SEH1L: variants seen among roughly 807,000 people sequenced by gnomAD.
SEH1L encodes SEH1 like nucleoporin.
SEH1L carries 18 observed loss-of-function variants against 49.5 expected under a neutral mutation model. The observed-to-expected ratio is 0.36, with a 90% CI of 0.25 to 0.54. The LOEUF is 0.54. Among genes scored for constraint, SEH1L ranks in the 20% least tolerant of loss-of-function variants. The probability of loss-of-function intolerance (pLI) is 0.87; values close to 1 mark genes in which losing one functional copy is unlikely to be tolerated. For missense variants in SEH1L, 404 were observed against 528.8 expected (o/e 0.76, Z 2.31); for synonymous variants, 169 against 178.1 (o/e 0.95, Z 0.41).
At chr18:12,978,641 G>A in intron 5 of SEH1L, 111 bp from the exon 6 acceptor site, 1 of 829,936 alleles carries the variant, frequency 1.2e-6, no homozygotes, top group Admixed American at 2.3e-5. Context: ...CCACTACAGA[G>A]GTGAGCACTA....
At chr18:12,980,655 C>T (rs2032188577) in intron 6 of SEH1L, among the ~76,000 whole-genome samples, 1 of 133,486 alleles carries the variant, frequency 7.5e-6, no homozygotes, top group African/African-American at 2.8e-5. Context: ...GCAGAGGCGC[C>T]CCTCACCTCC....
chr18:12,981,348 C>G (rs2032248908), intron 6 of SEH1L, among the ~76,000 whole-genome samples: 1 of 152,156 alleles, frequency 6.6e-6, no homozygotes, highest in Non-Finnish European at 1.5e-5. Flanking sequence ...GGGGCCAAGG[C>G]AGGCAGCTGG....
chr18:12,980,332 C>A (rs1598977564), intron 6 of SEH1L, among the ~76,000 whole-genome samples: 1 of 124,944 alleles, frequency 8.0e-6, no homozygotes, highest in Non-Finnish European at 1.7e-5. Flanking sequence ...GCAGAGGCGC[C>A]CCTCACCTCC....
intron 5 of SEH1L, chr18:12,972,605 T>A (rs1417956364): frequency 1.3e-5 from 2 of 152,182 alleles, no homozygotes; most frequent in African/African-American, 4.8e-5. Flanking sequence ...GGAACTAGTG[T>A]TACTCCCGTG....
intron 3 of SEH1L, among the ~76,000 whole-genome samples, chr18:12,956,454 CAAAA>C (rs10541594): frequency 5.8e-5 from 8 of 138,418 alleles, no homozygotes; most frequent in Non-Finnish European, 7.8e-5. Context: ...TCTGGGGAAT[CAAAA>C]AAAAAAAAAG....
At chr18:12,986,823 GT>G in intron 8 of SEH1L, 38 bp from the exon 9 acceptor site, 1 of 1,158,978 alleles carries the variant, frequency 8.6e-7, no homozygotes. Flanking sequence ...TCCTGTTTTT[GT>G]TTTGTTTGGT....
rs1017148043 is a variant in SEH1L, at chr18:12,987,291, C to T, written c.*234C>T. 9.0e-6 allele frequency: 3 copies of T among 333,056 alleles called. No individual in the cohort carries two copies. Among genetic ancestry groups the T allele is most frequent in the African/African-American group, 2.1e-5 (1 of 46,968 alleles). 20.6% of individuals were successfully genotyped at this position (333,056 alleles called of 1,614,324 possible). A position where few individuals can be genotyped will look rare whatever the true frequency, so the allele number is the denominator to read the frequency against. On this transcript the variant is annotated 3_prime_UTR_variant, in exon 9 of 9. Coordinates refer to ENST00000399892, the MANE Select transcript of SEH1L (RefSeq NM_001013437.2). ...GATGAAATGAGATATGTCCAAGTAACGTTAACTGTGAAGTTACACACAGTA... is the reference window on the plus strand; with the variant it reads ...GATGAAATGAGATATGTCCAAGTAATGTTAACTGTGAAGTTACACACAGTA...
chr18:12,957,515 A>G (rs1447767113), intron 3 of SEH1L, among the ~76,000 whole-genome samples: 1 of 152,274 alleles, frequency 6.6e-6, no homozygotes. Flanking sequence ...GGGCAAGAAC[A>G]TAATATAATC....
chr18:12,952,053 CA>C (rs781282289), intron 2 of SEH1L, 148 bp downstream of exon 2: 12 of 466,818 alleles, frequency 2.6e-5, no homozygotes, highest in Non-Finnish European at 4.5e-5. Context: ...ATTAAAGTAA[CA>C]ACTGTGTTTC....
rs568034579 is a variant in SEH1L, at chr18:12,980,897, C to T, written c.762-1621C>T. Among the ~76,000 whole-genome samples, 1,344 of 144,674 alleles carry T rather than the reference C, an allele frequency of 9.3e-3. 16 individuals carry two copies. The highest frequency in any genetic ancestry group is 0.033 in the African/African-American group (1,255 of 38,422). The allele number at this position is 144,674 out of a possible 152,430, so 94.9% of individuals were successfully genotyped here. Reference sequence around the variant, plus strand: ...TGACCCCCCCCACCTCCCTTCCGGACGGGGCGGCTGGCCGGGCGGGGGGCT... The same window carrying T: ...TGACCCCCCCCACCTCCCTTCCGGATGGGGCGGCTGGCCGGGCGGGGGGCT... On this transcript the variant is annotated intron_variant, in intron 6 of 8. Transcript: ENST00000399892.
intron 1 of SEH1L, among the ~76,000 whole-genome samples, chr18:12,951,143 G>GT (rs2030498415): frequency 6.6e-6 from 1 of 152,228 alleles, no homozygotes. Context: ...TGGTGAAAAA[G>GT]TTTGAGTCTC....
intron 4 of SEH1L, 46 bp downstream of exon 4, chr18:12,963,417 C>T: frequency 7.0e-7 from 1 of 1,419,712 alleles, no homozygotes. Flanking sequence ...GTAAAATAAA[C>T]TAGTAACTTT....
chr18:12,970,488 A>G (rs982851093), intron 4 of SEH1L, among the ~76,000 whole-genome samples: 2 of 152,204 alleles, frequency 1.3e-5, no homozygotes, highest in Non-Finnish European at 2.9e-5. Context: ...TGGCACGATC[A>G]TAGCTCACTG....
chr18:12,982,616 A>G lies in SEH1L; in HGVS notation c.860A>G (p.Asn287Ser). 1 of 1,613,982 alleles carries G rather than the reference A, an allele frequency of 6.2e-7. No individual in the cohort carries two copies. Among genetic ancestry groups the G allele is most frequent in the Non-Finnish European group, 8.5e-7 (1 of 1,179,880 alleles). ...TCTCAGGTCTGGCGAGTGAGTTGGA[A>G]TATAACAGGAACGGTGCTAGCATCT... Reference protein sequence around the residue: ...HNSQVWRVSWNITGTVLASSG... With the variant: ...HNSQVWRVSWSITGTVLASSG... The change falls in exon 7 of 9, where the codon AAT (asparagine) becomes AGT (serine). Residue 287 changes from asparagine to serine, a missense_variant. Asn to Ser is a conservative substitution (Grantham distance 46). Around this residue, in one of 3 missense-constraint regions of SEH1L, gnomAD observed 342 missense variants for 430.8 expected, o/e 0.79. Transcript: ENST00000399892.
In SEH1L at chr18:12,971,022, A is replaced by C. The variant is rs556098013; in HGVS notation, c.522-131A>C. 1.0e-4 allele frequency: 65 copies of C among 625,364 alleles called. 3 individuals carry two copies. In the South Asian group the frequency reaches 1.2e-3, roughly 12 times the overall value. 38.7% of individuals were successfully genotyped at this position (625,364 alleles called of 1,614,324 possible). On this transcript the variant is annotated intron_variant, in intron 4 of 8. Transcript: ENST00000399892. ...TGTGGCCATGTCAGCTATGTGGCAG[A>C]GACCTAGATTCACTAGTAGTGTGAC... is the stretch of plus-strand genomic sequence containing the variant.
intron 1 of SEH1L, among the ~76,000 whole-genome samples, chr18:12,951,594 T>G (rs2030531707): frequency 6.6e-6 from 1 of 152,238 alleles, no homozygotes; most frequent in Non-Finnish European, 1.5e-5. Flanking sequence ...TTTCACCACG[T>G]TGTCTAGGCT....
rs79896190 is a variant in SEH1L at position 12,962,890 on chromosome 18, A to G, written c.310-270A>G. ...TCAGTTTGCTTAAGAGAGATTACTTATATAACAAAGGTAGGCTTTTGGAGG... is the reference window on the plus strand; with the variant it reads ...TCAGTTTGCTTAAGAGAGATTACTTGTATAACAAAGGTAGGCTTTTGGAGG... On this transcript the variant is annotated intron_variant, in intron 3 of 8. Coordinates refer to ENST00000399892, the MANE Select transcript of SEH1L (RefSeq NM_001013437.2). Among the ~76,000 whole-genome samples, 268 of 152,020 alleles carry G rather than the reference A, an allele frequency of 1.8e-3. 1 individual carries two copies. The highest frequency in any genetic ancestry group is 6.2e-3 in the African/African-American group (257 of 41,488).
At chr18:12,948,554 G>T (rs2030271721) in intron 1 of SEH1L, 1 of 220,264 alleles carries the variant, frequency 4.5e-6, no homozygotes, top group South Asian at 1.3e-4. Context: ...CGTCAGCCTC[G>T]GCGTCGTGGG....
At chr18:12,954,641 T>C (rs1343872101) in intron 2 of SEH1L, among the ~76,000 whole-genome samples, 1 of 152,012 alleles carries the variant, frequency 6.6e-6, no homozygotes, top group Non-Finnish European at 1.5e-5. Flanking sequence ...TAATTTTTTG[T>C]ATTTTTTGTA....
Sources: gnomAD v4.1 joint callset for allele counts (sites outside exome capture counted in the v4.1 genomes callset) on GRCh38, gnomAD v4.1.1 for gene constraint, gnomAD v4.1.1 regional missense constraint, MANE v1.5 for transcripts, NCBI Gene and HGNC (gene_info 2026-07-23, HGNC 2026-07-21) for gene names.